ZBBX: variants seen among roughly 807,000 people sequenced by gnomAD.
ZBBX encodes zinc finger B-box domain containing, also known as zinc finger B-box domain-containing protein 1.
ZBBX carries 101 observed loss-of-function variants against 108.5 expected under a neutral mutation model. The observed-to-expected ratio is 0.93, with a 90% CI of 0.79 to 1.10. ZBBX has a LOEUF of 1.10. Among genes scored for constraint, ZBBX ranks in the 50% least tolerant of loss-of-function variants. The pLI is 0.00. For synonymous variants in ZBBX, 356 were observed against 323.4 expected, an observed-to-expected ratio of 1.10 and a Z score of -1.08; for missense variants, 1,009 against 941.4, an observed-to-expected ratio of 1.07 and a Z score of -0.94.
At chr3:167,273,380 A>C (rs1213457124) in intron 20 of ZBBX, among the ~76,000 whole-genome samples, 1 of 152,150 alleles carries the variant, frequency 6.6e-6, no homozygotes, top group Non-Finnish European at 1.5e-5. Context: ...CATGGGCTGC[A>C]TGGTAGCTCT....
At chr3:167,242,430 TA>T (rs776553261) in intron 21 of ZBBX, 74 bp downstream of exon 21, 103 of 1,233,824 alleles carry the variant, frequency 8.3e-5, no homozygotes, top group Admixed American at 2.0e-4. Flanking sequence ...CTATATATAA[TA>T]AAGATAACTA....
chr3:167,402,388 T>C (rs1370727290), intron 1 of ZBBX, among the ~76,000 whole-genome samples: 5 of 152,120 alleles, frequency 3.3e-5, no homozygotes, highest in African/African-American at 1.2e-4. Context: ...TTCATCTCAG[T>C]CCCAGATAAA....
chr3:167,315,773 T>C lies in ZBBX; in HGVS notation c.1251A>G (p.Leu417=), dbSNP rs752229241. Residue 417 remains leucine, a synonymous_variant, in exon 15 of 22, where the codon TTA becomes TTG. Transcript: ENST00000675490. ...AENIVPYKVK[L]ADADSQRSCA... ...ACCTTCGTTGACTGTCTGCATCAGC[T>C]AATTTAACTTTGTAAGGCACAATAT... 2.2e-5 allele frequency: 35 copies of C among 1,608,082 alleles called. No homozygotes were observed. The Admixed American group carries it at 5.9e-4, about 27-fold the overall frequency.
chr3:167,182,424 G>A, the ZBBX span, among the ~76,000 whole-genome samples: 1 of 152,162 alleles, frequency 6.6e-6, no homozygotes, highest in Non-Finnish European at 1.5e-5. Context: ...TCCTATATCT[G>A]AGCTGTAAAA....
the ZBBX span, among the ~76,000 whole-genome samples, chr3:167,232,718 A>T: frequency 6.6e-6 from 1 of 151,846 alleles, no homozygotes; most frequent in Non-Finnish European, 1.5e-5. Context: ...AGTCCTTGGA[A>T]ATTAAGAAGT....
chr3:167,289,336 CT>C (rs1369095708), intron 18 of ZBBX, among the ~76,000 whole-genome samples: 1 of 152,158 alleles, frequency 6.6e-6, no homozygotes, highest in Non-Finnish European at 1.5e-5. Flanking sequence ...ATAGGAACAG[CT>C]CCAGTCTGCA....
chr3:167,358,237 A>G (rs1743916258), intron 8 of ZBBX, among the ~76,000 whole-genome samples: 1 of 152,102 alleles, frequency 6.6e-6, no homozygotes, highest in South Asian at 2.1e-4. Flanking sequence ...CACAATATGA[A>G]TAAGCCTTGA....
At chr3:167,307,784 C>G (rs546247130) in intron 16 of ZBBX, among the ~76,000 whole-genome samples, 136 of 152,198 alleles carry the variant, frequency 8.9e-4, no homozygotes, top group African/African-American at 3.2e-3. Context: ...AAGCTGGACC[C>G]CTTCCTTATA....
intron 20 of ZBBX, among the ~76,000 whole-genome samples, chr3:167,268,300 A>C (rs1725922608): frequency 6.6e-6 from 1 of 151,694 alleles, no homozygotes; most frequent in Admixed American, 6.6e-5. Flanking sequence ...GGGTTGAGTT[A>C]ATGTCCATTT....
intron 11 of ZBBX, among the ~76,000 whole-genome samples, chr3:167,323,533 A>G (rs1290461438): frequency 6.6e-6 from 1 of 152,108 alleles, no homozygotes; most frequent in Non-Finnish European, 1.5e-5. Flanking sequence ...TTAAAATGCT[A>G]GCTCTTGTTT....
At chr3:167,222,751 A>C in the ZBBX span, among the ~76,000 whole-genome samples, 13 of 151,906 alleles carry the variant, frequency 8.6e-5, no homozygotes, top group African/African-American at 2.9e-4. Context: ...AAACATAAAA[A>C]ATTTTAGAAA....
At chr3:167,344,349 T>G (rs61678976) in intron 9 of ZBBX, among the ~76,000 whole-genome samples, 134 of 152,000 alleles carry the variant, frequency 8.8e-4, no homozygotes, top group African/African-American at 2.8e-3. Context: ...TTCAAATGAA[T>G]GAATTGTGTG....
chr3:167,239,313 A>G (rs1255820874), downstream of ZBBX, among the ~76,000 whole-genome samples: 1 of 152,116 alleles, frequency 6.6e-6, no homozygotes, highest in African/African-American at 2.4e-5. Flanking sequence ...ACCTAAAAAA[A>G]TACTCTCACA....
At chr3:167,336,665 T>C (rs1042622709) in intron 9 of ZBBX, among the ~76,000 whole-genome samples, 2 of 152,174 alleles carry the variant, frequency 1.3e-5, no homozygotes, top group African/African-American at 4.8e-5. Flanking sequence ...TTAGTCTTTG[T>C]GATACAGAAA....
At chr3:167,288,491 T>A (rs909947932) in intron 19 of ZBBX, among the ~76,000 whole-genome samples, 2 of 152,194 alleles carry the variant, frequency 1.3e-5, no homozygotes, top group African/African-American at 2.4e-5. Context: ...TGTCTGATCA[T>A]AATATATATC....
At chr3:167,273,660 C>T (rs568782126) in intron 20 of ZBBX, among the ~76,000 whole-genome samples, 1 of 152,104 alleles carries the variant, frequency 6.6e-6, no homozygotes, top group African/African-American at 2.4e-5. Context: ...TATGGTGGAC[C>T]CTTACTGGAC....
At chr3:167,219,468 CAA>C in the ZBBX span, among the ~76,000 whole-genome samples, 1 of 151,706 alleles carries the variant, frequency 6.6e-6, no homozygotes, top group Non-Finnish European at 1.5e-5. Flanking sequence ...AAATCAATAA[CAA>C]GAGGAATTTT....
At chr3:167,397,351 G>A (rs1441131964) in intron 1 of ZBBX, among the ~76,000 whole-genome samples, 2 of 151,326 alleles carry the variant, frequency 1.3e-5, no homozygotes, top group African/African-American at 2.4e-5. Flanking sequence ...TGTATGGATG[G>A]CCCATGAAAT....
At chr3:167,297,696 A>G (rs1300132889) in intron 18 of ZBBX, among the ~76,000 whole-genome samples, 1 of 152,044 alleles carries the variant, frequency 6.6e-6, no homozygotes, top group Non-Finnish European at 1.5e-5. Context: ...TGAAAAAACA[A>G]ATAACCCAAT....
Sources: allele counts gnomAD v4.1 joint callset (sites outside exome capture counted in the v4.1 genomes callset), GRCh38; gene constraint gnomAD v4.1.1; transcripts MANE v1.5; gene names NCBI Gene and HGNC (gene_info 2026-07-23, HGNC 2026-07-21).